IRS2: variants seen among roughly 807,000 people sequenced by gnomAD.
The protein encoded by IRS2 is insulin receptor substrate 2.
Under a neutral mutation model 70.9 loss-of-function variants are expected in IRS2, and 28 were observed. That is an observed-to-expected ratio of 0.39 (90% CI 0.29 to 0.54). The LOEUF (loss-of-function observed/expected upper bound fraction) is 0.54, where lower values mean the gene tolerates loss of function less well. IRS2 is among the 20% of genes least tolerant of loss of function. The probability of loss-of-function intolerance (pLI) is 0.59; values close to 1 mark genes in which losing one functional copy is unlikely to be tolerated. For synonymous variants in IRS2, 1,217 were observed against 981.9 expected (o/e 1.24, Z -4.48); for missense variants, 2,081 against 2,024.1 (o/e 1.03, Z -0.54).
At chr13:109,781,511 T>C (rs2138928056) in intron 1 of IRS2, among the ~76,000 whole-genome samples, 1 of 152,364 alleles carries the variant, frequency 6.6e-6, no homozygotes, top group Non-Finnish European at 1.5e-5. Flanking sequence ...CTGTCGCTAT[T>C]AGCAGCCATC....
At position 109,782,705 on chromosome 13, in the gene IRS2, C is replaced by A; in HGVS notation, c.3349G>T (p.Val1117Phe). 1.3e-6 allele frequency: 2 copies of A among 1,589,994 alleles called. No individual in the cohort carries two copies. Among genetic ancestry groups the A allele is most frequent in the Non-Finnish European group, 1.7e-6 (2 of 1,169,484 alleles). The change falls in exon 1 of 2, where the codon GTC becomes TTC. Residue 1117 changes from valine to phenylalanine, a missense_variant. Val to Phe is a conservative substitution (Grantham distance 50). Around this residue, in one of 4 missense-constraint regions of IRS2, gnomAD observed 1,615 missense variants for 1,459.5 expected, o/e 1.11. Coordinates refer to ENST00000375856, the MANE Select transcript of IRS2 (RefSeq NM_003749.3). ...TGGCTGGCCTGCAGGAAGGCCTCGA[C>A]TCCCGACACCTGCTCCATGAGGCTC... ...RLSLMEQVSG[V>F]EAFLQASQPP...
chr13:109,783,221 A>G lies in IRS2; in HGVS notation c.2833T>C (p.Ser945Pro). The change falls in exon 1 of 2, where the codon TCC becomes CCC. Residue 945 changes from serine to proline, a missense_variant. This residue lies in a region of IRS2 where 1,615 missense variants were observed against 1,459.5 expected (regional missense o/e 1.11). Coordinates refer to ENST00000375856, the MANE Select transcript of IRS2 (RefSeq NM_003749.3). ...CTGCTGGCGGACAAGAGCGAGGAGGACGAGGCCGCCGACGCCAGCAGGGGA... is the reference window on the plus strand; with the variant it reads ...CTGCTGGCGGACAAGAGCGAGGAGGGCGAGGCCGCCGACGCCAGCAGGGGA... ...APPLLASAASSSSLLSASSPA... is the reference protein window; with the variant it reads ...APPLLASAASPSSLLSASSPA... 7.0e-7 allele frequency: 1 copy of G among 1,438,700 alleles called. No individual in the cohort carries two copies. The allele number at this position is 1,438,700 out of a possible 1,614,324, so 89.1% of individuals were successfully genotyped here.
intron 1 of IRS2, among the ~76,000 whole-genome samples, chr13:109,774,840 T>G (rs930663553): frequency 6.6e-6 from 1 of 152,188 alleles, no homozygotes; most frequent in African/African-American, 2.4e-5. Context: ...CCCTTTGAAT[T>G]TTACACAACT....
At position 109,753,532 on chromosome 13, in the gene IRS2, G is replaced by A. The variant is rs1168539450; in HGVS notation, c.*2772C>T. The A allele has an allele frequency of 1.3e-5, 2 of 152,924 alleles. No individual in the cohort carries two copies. Among genetic ancestry groups the A allele is most frequent in the African/African-American group, 2.4e-5 (1 of 41,454 alleles). The allele number at this position is 152,924 out of a possible 1,614,324, so 9.5% of individuals were successfully genotyped here. On this transcript the variant is annotated 3_prime_UTR_variant, in exon 2 of 2. Transcript: ENST00000375856. ...GAGGATGACAATTCTTACCTCCTAA[G>A]ATTGTCATGAGCTATCAAGAAGTTA...
In IRS2 at chr13:109,755,380, C is replaced by T. The variant is rs537436053; in HGVS notation, c.*924G>A. On this transcript the variant is annotated 3_prime_UTR_variant, in exon 2 of 2. Coordinates refer to ENST00000375856, the MANE Select transcript of IRS2 (RefSeq NM_003749.3). Reference sequence around the variant, plus strand: ...GGATTTTTGGTTACAGAAAGGCATGCCCAAGATTCAGGAGAGCAGAGACAT... The same window carrying T: ...GGATTTTTGGTTACAGAAAGGCATGTCCAAGATTCAGGAGAGCAGAGACAT... The T allele has an allele frequency of 1.2e-3, 278 of 227,416 alleles. 1 individual carries two copies. The highest frequency in any genetic ancestry group is 1.8e-3 in the Non-Finnish European group (202 of 114,546). 14.1% of individuals were successfully genotyped at this position (227,416 alleles called of 1,614,324 possible).
rs372818543 is a variant in IRS2, at chr13:109,785,685, G to C, written c.369C>G (p.Ala123=). The change falls in exon 1 of 2, where the codon GCC becomes GCG. Residue 123 remains alanine (A), a synonymous_variant. Transcript: ENST00000375856. The surrounding 1 kb of genome is among the most constrained non-coding windows in gnomAD (Gnocchi z 9.3). ...IALYTKDEYF[A]VAAENEQEQE... ...GCTCCTGCTCGTTCTCGGCGGCCAC[G>C]GCGAAGTACTCGTCCTTGGTGTAGA... 2 of 1,598,948 alleles carry C rather than the reference G, an allele frequency of 1.3e-6. No homozygotes were observed. The highest frequency in any genetic ancestry group is 1.3e-5 in the African/African-American group (1 of 74,566).
In IRS2 at chr13:109,782,129, G is replaced by A. The variant is rs375300615; in HGVS notation, c.3925C>T (p.Pro1309Ser). The A allele has an allele frequency of 1.2e-4, 185 of 1,607,976 alleles. 1 individual carries two copies. In the African/African-American group the frequency reaches 1.8e-3, roughly 16 times the overall value. ...VGSTGGGCGG[P>S]GPGALPPANT... is the part of the protein sequence containing the mutation. ...GCAGGGGGCAGGGCACCGGGACCCG[G>A]CCCCCCGCACCCGCCGCCGGTGCTG... The change falls in exon 1 of 2, where the codon CCG becomes TCG. Residue 1309 changes from proline to serine, a missense_variant. This residue lies in a region of IRS2 where 1,615 missense variants were observed against 1,459.5 expected (regional missense o/e 1.11). Transcript: ENST00000375856.
chr13:109,772,853 A>G (rs906112585), intron 1 of IRS2, among the ~76,000 whole-genome samples: 181 of 151,440 alleles, frequency 1.2e-3, no homozygotes, highest in Admixed American at 1.6e-3. Flanking sequence ...CCGCCACCGC[A>G]CCCGGCTAAT....
chr13:109,766,124 T>C (rs369838300), intron 1 of IRS2, among the ~76,000 whole-genome samples: 29 of 9,948 alleles, frequency 2.9e-3, no homozygotes, highest in African/African-American at 4.9e-3. Context: ...CTCATCCACC[T>C]TGGCTCCGAC....
intron 1 of IRS2, among the ~76,000 whole-genome samples, chr13:109,775,462 A>G (rs1004943452): frequency 6.6e-6 from 1 of 152,168 alleles, no homozygotes; most frequent in Non-Finnish European, 1.5e-5. Flanking sequence ...TTTTAAGGTA[A>G]CAAAATCACA....
At position 109,761,277 on chromosome 13, in the gene IRS2, C is replaced by T. The variant is rs140142337; in HGVS notation, c.4013-4969G>A. Among the ~76,000 whole-genome samples the T allele has an allele frequency of 6.3e-3, 964 of 152,324 alleles. 5 individuals carry two copies. Among genetic ancestry groups the T allele is most frequent in the Middle Eastern group, 0.017 (5 of 294 alleles). On this transcript the variant is annotated intron_variant, in intron 1 of 1. Coordinates refer to ENST00000375856, the MANE Select transcript of IRS2 (RefSeq NM_003749.3). Reference sequence around the variant, plus strand: ...CAAATTCATGGAGTAGGTAAAGATGCTTTCACATTTTCAGCCATAGCTGAA... The same window carrying T: ...CAAATTCATGGAGTAGGTAAAGATGTTTTCACATTTTCAGCCATAGCTGAA...
At chr13:109,774,630 TGTTATGAG>T (rs1877530166) in intron 1 of IRS2, among the ~76,000 whole-genome samples, 1 of 152,030 alleles carries the variant, frequency 6.6e-6, no homozygotes, top group African/African-American at 2.4e-5. Flanking sequence ...GATACCAAGA[TGTTATGAG>T]GTTGAACCCG....
chr13:109,780,960 G>C (rs1472394056), intron 1 of IRS2, among the ~76,000 whole-genome samples: 1 of 152,112 alleles, frequency 6.6e-6, no homozygotes, highest in Non-Finnish European at 1.5e-5. Context: ...ATGGATATTT[G>C]ATCAGAACGG....
Position 109,784,912 on chromosome 13 carries a change from C to A in IRS2, c.1142G>T (p.Arg381Met), listed in dbSNP as rs1439097666. The A allele has an allele frequency of 9.4e-5, 99 of 1,051,682 alleles. No homozygotes were observed. The highest frequency in any genetic ancestry group is 1.1e-4 in the Non-Finnish European group (96 of 874,810). 65.1% of individuals were successfully genotyped at this position (1,051,682 alleles called of 1,614,324 possible). A position where few individuals can be genotyped will look rare whatever the true frequency, so the allele number is the denominator to read the frequency against. The change falls in exon 1 of 2, where the codon AGG (arginine) becomes ATG (methionine). Residue 381 changes from arginine to methionine, a missense_variant. Arg to Met is a moderately conservative substitution (Grantham distance 91). Around this residue, in one of 4 missense-constraint regions of IRS2, gnomAD observed 1,615 missense variants for 1,459.5 expected, o/e 1.11. Coordinates refer to ENST00000375856, the MANE Select transcript of IRS2 (RefSeq NM_003749.3). This position sits in a 1 kb window ranked among gnomAD's most constrained non-coding sequence, Gnocchi z 5.2. ...AAAGAAAAGA[R>M]PVSVAGSPLS... ...GGGGCTCCCAGCCACCGACACCGGCCTGGCGCCCGCGGCCGCCGCTCCCGC... is the reference window on the plus strand; with the variant it reads ...GGGGCTCCCAGCCACCGACACCGGCATGGCGCCCGCGGCCGCCGCTCCCGC...
intron 1 of IRS2, among the ~76,000 whole-genome samples, chr13:109,780,411 G>C (rs1288023274): frequency 6.6e-6 from 1 of 152,200 alleles, no homozygotes; most frequent in African/African-American, 2.4e-5. Flanking sequence ...ACTGTTCACA[G>C]GATACATTCT....
chr13:109,785,484 G>C lies in IRS2; in HGVS notation c.570C>G (p.Ala190=), dbSNP rs780759374. The part of the protein sequence containing the change: ...AEDSYGLVAP[A]TAAYREVWQV... The stretch of plus-strand genomic sequence containing the variant: ...GCCACACCTCACGGTAGGCGGCCGT[G>C]GCGGGAGCCACCAGCCCGTAGCTGT... The change falls in exon 1 of 2, where the codon GCC becomes GCG. Residue 190 remains alanine, a synonymous_variant. Coordinates refer to ENST00000375856, the MANE Select transcript of IRS2 (RefSeq NM_003749.3). This position sits in a 1 kb window ranked among gnomAD's most constrained non-coding sequence, Gnocchi z 9.3. 1.7e-5 allele frequency: 27 copies of C among 1,611,560 alleles called. No individual in the cohort carries two copies. The highest frequency in any genetic ancestry group is 2.2e-5 in the Non-Finnish European group (26 of 1,179,664).
In IRS2 at chr13:109,786,349, C is replaced by A. The variant is rs1043862583; in HGVS notation, c.-296G>T. On this transcript the variant is annotated 5_prime_UTR_variant, in exon 1 of 2. Coordinates refer to ENST00000375856, the MANE Select transcript of IRS2 (RefSeq NM_003749.3). The surrounding 1 kb of genome is among the most constrained non-coding windows in gnomAD (Gnocchi z 4.4). Reference sequence around the variant, plus strand: ...TGCCTCCTCGGGCTCTCGGGCGGCGCCGGGGGACGCGCTCGCTGGGCCGGG... The same window carrying A: ...TGCCTCCTCGGGCTCTCGGGCGGCGACGGGGGACGCGCTCGCTGGGCCGGG... The A allele has an allele frequency of 6.8e-6, 1 of 147,004 alleles. No individual in the cohort carries two copies. The highest frequency in any genetic ancestry group is 1.5e-5 in the Non-Finnish European group (1 of 65,980). 9.1% of individuals were successfully genotyped at this position (147,004 alleles called of 1,614,324 possible). A position where few individuals can be genotyped will look rare whatever the true frequency, so the allele number is the denominator to read the frequency against.
At position 109,786,103 on chromosome 13, in the gene IRS2, G is replaced by A. The variant is rs1877916537; in HGVS notation, c.-50C>T. 1.0e-6 allele frequency: 1 copy of A among 992,658 alleles called. No homozygotes were observed. The highest frequency in any genetic ancestry group is 1.2e-6 in the Non-Finnish European group (1 of 836,136). The allele number at this position is 992,658 out of a possible 1,614,324, so 61.5% of individuals were successfully genotyped here. The stretch of plus-strand genomic sequence containing the variant: ...CCGGGCCCGGCGCCCAGGGGTTGGG[G>A]CGAGGGGCGGAGGGGGCGCGGGCGG... On this transcript the variant is annotated 5_prime_UTR_variant, in exon 1 of 2. Coordinates refer to ENST00000375856, the MANE Select transcript of IRS2 (RefSeq NM_003749.3). This position sits in a 1 kb window ranked among gnomAD's most constrained non-coding sequence, Gnocchi z 4.4.
At position 109,755,353 on chromosome 13, in the gene IRS2, A is replaced by G. The variant is rs1382344530; in HGVS notation, c.*951T>C. On this transcript the variant is annotated 3_prime_UTR_variant, in exon 2 of 2. Coordinates refer to ENST00000375856, the MANE Select transcript of IRS2 (RefSeq NM_003749.3). ...ACCCTGGAATTGCTAGCACGCCTAC[A>G]GGGATTTTTGGTTACAGAAAGGCAT... 8.8e-6 allele frequency: 2 copies of G among 227,734 alleles called. No individual in the cohort carries two copies. The highest frequency in any genetic ancestry group is 1.7e-5 in the Non-Finnish European group (2 of 114,788). 14.1% of individuals were successfully genotyped at this position (227,734 alleles called of 1,614,324 possible). A position where few individuals can be genotyped will look rare whatever the true frequency, so the allele number is the denominator to read the frequency against.
Sources: gnomAD v4.1 joint callset for allele counts (sites outside exome capture counted in the v4.1 genomes callset) on GRCh38, gnomAD v4.1.1 for gene constraint, gnomAD v4.1.1 regional missense constraint, Gnocchi (gnomAD v3.1) non-coding constraint, MANE v1.5 for transcripts, NCBI Gene and HGNC (gene_info 2026-07-23, HGNC 2026-07-21) for gene names.